TMEM71: variants seen among roughly 807,000 people sequenced by gnomAD.
TMEM71 encodes transmembrane protein 71.
Under a neutral mutation model 38.0 loss-of-function variants are expected in TMEM71, and 44 were observed. The ratio of observed to expected loss-of-function variants is 1.16; its 90% confidence interval spans 0.91 to 1.49. The LOEUF (loss-of-function observed/expected upper bound fraction) is 1.49, where lower values mean the gene tolerates loss of function less well. TMEM71 is among the 40% of genes most tolerant of loss of function. TMEM71 has a pLI of 0.00. For synonymous variants in TMEM71, 133 were observed against 122.5 expected (o/e 1.09, Z -0.56); for missense variants, 367 against 348.6 (o/e 1.05, Z -0.42).
In TMEM71 at chr8:132,716,700, T is replaced by C. The variant is rs923745370; in HGVS notation, c.753-2485A>G. 4.6e-5 allele frequency among the ~76,000 whole-genome samples: 7 copies of C among 152,240 alleles called. No individual in the cohort carries two copies. In the East Asian group the frequency reaches 5.8e-4, roughly 13 times the overall value. The stretch of plus-strand genomic sequence containing the variant: ...CTCTAGAATCAAACCCCCTTCGGTA[T>C]TGAGGGACAACTGTATTCAATGCTT... On this transcript the variant is annotated intron_variant, in intron 7 of 9. Coordinates refer to ENST00000677595, the MANE Select transcript of TMEM71 (RefSeq NM_001382403.1).
chr8:132,765,827 C>T, the TMEM71 span, among the ~76,000 whole-genome samples: 2 of 151,130 alleles, frequency 1.3e-5, no homozygotes, highest in African/African-American at 4.9e-5. Context: ...CTCACTCTGT[C>T]GCCCAGGCTA....
At chr8:132,727,773 A>C (rs1451600433) in intron 6 of TMEM71, 25 bp downstream of exon 6, 1 of 1,551,058 alleles carries the variant, frequency 6.4e-7, no homozygotes, top group African/African-American at 1.4e-5. Flanking sequence ...TGGGTGTGGC[A>C]AATATTTAAA....
intron 5 of TMEM71, among the ~76,000 whole-genome samples, chr8:132,746,398 T>C (rs1274921544): frequency 1.0e-3 from 20 of 19,664 alleles, no homozygotes; most frequent in South Asian, 8.6e-3. Context: ...CATATATATA[T>C]ACATATATAT....
chr8:132,748,972 T>C (rs1345653049), intron 4 of TMEM71, among the ~76,000 whole-genome samples: 1 of 152,246 alleles, frequency 6.6e-6, no homozygotes, highest in African/African-American at 2.4e-5. Context: ...ATCTACGTCA[T>C]AAGATTCCAG....
chr8:132,752,075 G>A (rs1469265), intron 3 of TMEM71, 78 bp from the exon 4 acceptor site: 380,078 of 1,178,992 alleles, frequency 0.32, 63,000 homozygotes, highest in Non-Finnish European at 0.34. Context: ...TCATCACTGT[G>A]AAGGAAAATA....
intron 5 of TMEM71, among the ~76,000 whole-genome samples, chr8:132,742,337 T>C (rs1828090502): frequency 6.6e-6 from 1 of 152,210 alleles, no homozygotes; most frequent in South Asian, 2.1e-4. Context: ...ATCGCGCCAC[T>C]GCACTCCAGC....
chr8:132,775,508 C>G, the TMEM71 span: 1 of 375,714 alleles, frequency 2.7e-6, no homozygotes, highest in Non-Finnish European at 4.7e-6. Context: ...CGCTGCGGCC[C>G]CAGCTCGCTC....
At position 132,751,885 on chromosome 8, in the gene TMEM71, A is replaced by G. The variant is rs77624303; in HGVS notation, c.214T>C (p.Tyr72His). The G allele has an allele frequency of 2.3e-5, 37 of 1,614,022 alleles. No individual in the cohort carries two copies. The Admixed American group carries it at 3.2e-4, about 14-fold the overall frequency. ...AAGCTGTCTTCAGTCCAAATATAGTAGCCATTGGTGAGGAGTCTGGGACTT... is the reference window on the plus strand; with the variant it reads ...AAGCTGTCTTCAGTCCAAATATAGTGGCCATTGGTGAGGAGTCTGGGACTT... ...RRSPRLLTNG[Y>H]YIWTEDSFLC... is the part of the protein sequence containing the mutation. The change falls in exon 4 of 10, where the codon TAC becomes CAC. Residue 72 changes from tyrosine (Y) to histidine (H), a missense_variant. Physicochemically the swap from Tyr to His is moderately conservative, Grantham distance 83. Transcript: ENST00000677595.
At chr8:132,737,748 T>C (rs572691514) in intron 5 of TMEM71, among the ~76,000 whole-genome samples, 1 of 152,344 alleles carries the variant, frequency 6.6e-6, no homozygotes, top group South Asian at 2.1e-4. Flanking sequence ...TCATTATTAC[T>C]GGGGCTTCTG....
rs1170837796 is a variant in TMEM71 at position 132,710,199 on chromosome 8, A to G, written c.*768T>C. On this transcript the variant is annotated 3_prime_UTR_variant, in exon 10 of 10. Transcript: ENST00000677595. Reference sequence around the variant, plus strand: ...CCTTGAGTCAAGGCTCAAGGGTACAACTGCACCATTTTCATGCATTTGAAA... The same window carrying G: ...CCTTGAGTCAAGGCTCAAGGGTACAGCTGCACCATTTTCATGCATTTGAAA... The G allele has an allele frequency of 2.0e-5, 3 of 152,098 alleles. No homozygotes were observed. Among genetic ancestry groups the G allele is most frequent in the Admixed American group, 2.0e-4 (3 of 15,270 alleles). The allele number at this position is 152,098 out of a possible 1,614,324, so 9.4% of individuals were successfully genotyped here.
At chr8:132,769,009 T>G in the TMEM71 span, among the ~76,000 whole-genome samples, 3 of 152,268 alleles carry the variant, frequency 2.0e-5, no homozygotes, top group African/African-American at 4.8e-5. Flanking sequence ...TTAAATGTCT[T>G]AACAATGATC....
the TMEM71 span, chr8:132,775,330 C>A: frequency 5.8e-6 from 2 of 346,596 alleles, no homozygotes; most frequent in African/African-American, 4.3e-5. Context: ...GTGACAAGGC[C>A]AGGCCCGCTT....
rs372709056 is a variant in TMEM71 at position 132,728,149 on chromosome 8, G to GGATGA, written c.488-168_488-164dup. 3.0e-3 allele frequency among the ~76,000 whole-genome samples: 455 copies of GGATGA among 152,106 alleles called. 2 individuals are homozygous for GGATGA. Among genetic ancestry groups the GGATGA allele is most frequent in the African/African-American group, 0.01 (429 of 41,488 alleles). ...ATAGTGGGATGGGAGAAGGATTTTT[G>GGATGA]GATGAGATGAGATGATGTATTCGTC... On this transcript the variant is annotated intron_variant, in intron 5 of 9. Transcript: ENST00000677595.
At chr8:132,711,335 A>C (rs1826223509) in intron 9 of TMEM71, among the ~76,000 whole-genome samples, 1 of 152,114 alleles carries the variant, frequency 6.6e-6, no homozygotes, top group African/African-American at 2.4e-5. Flanking sequence ...ATTGCACTTT[A>C]AGTGAAAGGT....
intron 5 of TMEM71, among the ~76,000 whole-genome samples, chr8:132,736,297 A>T (rs984943980): frequency 1.3e-5 from 2 of 152,216 alleles, no homozygotes; most frequent in African/African-American, 4.8e-5. Flanking sequence ...GGGGAGAATC[A>T]ATGGATGGAC....
chr8:132,725,134 C>T (rs1827070916), intron 6 of TMEM71, among the ~76,000 whole-genome samples: 2 of 151,500 alleles, frequency 1.3e-5, no homozygotes, highest in South Asian at 4.2e-4. Context: ...ACTTCTTAGG[C>T]TCAGGTGATT....
upstream of TMEM71, among the ~76,000 whole-genome samples, chr8:132,764,816 C>T (rs150690815): frequency 1.3e-5 from 2 of 152,314 alleles, no homozygotes; most frequent in Non-Finnish European, 2.9e-5. Flanking sequence ...TTGGTTCCTC[C>T]TGCTACACTG....
At chr8:132,723,424 A>G (rs1826959684) in intron 6 of TMEM71, among the ~76,000 whole-genome samples, 2 of 152,300 alleles carry the variant, frequency 1.3e-5, no homozygotes, top group South Asian at 4.1e-4. Flanking sequence ...TTTGGGATGA[A>G]TTATTCATGG....
In TMEM71 at chr8:132,710,955, C is replaced by T. The variant is rs1826200905; in HGVS notation, c.*12G>A. The T allele has an allele frequency of 6.2e-7, 1 of 1,607,900 alleles. No homozygotes were observed. The highest frequency in any genetic ancestry group is 1.3e-5 in the African/African-American group (1 of 74,280). ...ATGGAGGACATTCATCGAAGGCATTCCTAAATGGTTGTCAAATTTTGACAA... is the reference window on the plus strand; with the variant it reads ...ATGGAGGACATTCATCGAAGGCATTTCTAAATGGTTGTCAAATTTTGACAA... On this transcript the variant is annotated 3_prime_UTR_variant, in exon 10 of 10. Coordinates refer to ENST00000677595, the MANE Select transcript of TMEM71 (RefSeq NM_001382403.1).
Sources: gnomAD v4.1 joint callset for allele counts (sites outside exome capture counted in the v4.1 genomes callset) on GRCh38, gnomAD v4.1.1 for gene constraint, MANE v1.5 for transcripts, NCBI Gene and HGNC (gene_info 2026-07-23, HGNC 2026-07-21) for gene names.